TAFA1: variants seen among roughly 807,000 people sequenced by gnomAD.
The protein encoded by TAFA1 is TAFA chemokine like family member 1.
TAFA1 carries 4 observed loss-of-function variants against 18.5 expected under a neutral mutation model. That is an observed-to-expected ratio of 0.22 (90% CI 0.11 to 0.49). The LOEUF is 0.49. Ranked by LOEUF, TAFA1 falls within the 20% of genes least tolerant of loss-of-function variation. The pLI, the probability that TAFA1 is intolerant of heterozygous loss-of-function variation, is 0.98. For missense variants in TAFA1, 147 were observed against 169.0 expected (o/e 0.87, Z 0.72); for synonymous variants, 56 against 55.2 (o/e 1.01, Z -0.06).
chr3:68,035,005 G>A lies in TAFA1; in HGVS notation c.118+28261G>A, dbSNP rs999602191. 4.6e-5 allele frequency among the ~76,000 whole-genome samples: 7 copies of A among 152,188 alleles called. No individual in the cohort carries two copies. In the East Asian group the frequency reaches 1.4e-3, roughly 29 times the overall value. ...TGAAGATCCTGGCTTTGGGTCACCTGCCCAATATTTACAGATAGGGCTGCT... is the reference window on the plus strand; with the variant it reads ...TGAAGATCCTGGCTTTGGGTCACCTACCCAATATTTACAGATAGGGCTGCT... On this transcript the variant is annotated intron_variant, in intron 2 of 4. Coordinates refer to ENST00000478136, the MANE Select transcript of TAFA1 (RefSeq NM_213609.4).
chr3:68,364,321 C>T (rs1048327697), intron 2 of TAFA1, among the ~76,000 whole-genome samples: 4 of 152,146 alleles, frequency 2.6e-5, no homozygotes, highest in Admixed American at 2.6e-4. Flanking sequence ...TTACCAGGTA[C>T]TTTTGGTGAT....
chr3:68,484,372 C>T (rs539253046), intron 3 of TAFA1, among the ~76,000 whole-genome samples: 1 of 152,046 alleles, frequency 6.6e-6, no homozygotes. Flanking sequence ...GCAAGGGAAA[C>T]AGTTATTGGC....
intron 2 of TAFA1, among the ~76,000 whole-genome samples, chr3:68,220,962 G>A (rs550089472): frequency 6.6e-5 from 10 of 152,188 alleles, no homozygotes; most frequent in Non-Finnish European, 1.3e-4. Context: ...GCTGAACTGG[G>A]TTGCTTTATG....
intron 2 of TAFA1, among the ~76,000 whole-genome samples, chr3:68,186,605 A>T (rs2066275260): frequency 6.6e-6 from 1 of 151,996 alleles, no homozygotes; most frequent in African/African-American, 2.4e-5. Flanking sequence ...AAGAATGTTT[A>T]TCCCATCCCC....
At chr3:68,392,418 T>C (rs1268583883) in intron 2 of TAFA1, among the ~76,000 whole-genome samples, 1 of 152,052 alleles carries the variant, frequency 6.6e-6, no homozygotes, top group African/African-American at 2.4e-5. Context: ...AGAGGGAGAC[T>C]TTAGTACCCC....
chr3:68,190,237 G>C (rs1005430647), intron 2 of TAFA1, among the ~76,000 whole-genome samples: 1 of 151,848 alleles, frequency 6.6e-6, no homozygotes, highest in African/African-American at 2.4e-5. Context: ...AAGAGATGAT[G>C]AATTAGGTCA....
At chr3:68,287,204 C>G (rs1018944989) in intron 2 of TAFA1, among the ~76,000 whole-genome samples, 3 of 152,066 alleles carry the variant, frequency 2.0e-5, no homozygotes, top group African/African-American at 4.8e-5. Context: ...CCTGAAAAAC[C>G]GCGTGTGTAA....
At chr3:68,155,232 A>G (rs2065853006) in intron 2 of TAFA1, among the ~76,000 whole-genome samples, 1 of 152,146 alleles carries the variant, frequency 6.6e-6, no homozygotes, top group Admixed American at 6.5e-5. Context: ...TAGCCACTAC[A>G]TCACTCTGCA....
At chr3:68,269,481 T>C (rs1281468938) in intron 2 of TAFA1, among the ~76,000 whole-genome samples, 1 of 152,120 alleles carries the variant, frequency 6.6e-6, no homozygotes, top group Admixed American at 6.6e-5. Flanking sequence ...AAATAAAAAA[T>C]ACAAATTCTG....
chr3:68,295,430 CTT>C (rs2068190136), intron 2 of TAFA1, among the ~76,000 whole-genome samples: 1 of 151,752 alleles, frequency 6.6e-6, no homozygotes, highest in Non-Finnish European at 1.5e-5. Flanking sequence ...AAAAAAAAGA[CTT>C]TTTAAGTCTA....
intron 2 of TAFA1, among the ~76,000 whole-genome samples, chr3:68,330,042 T>C (rs2068839185): frequency 6.6e-6 from 1 of 152,154 alleles, no homozygotes; most frequent in Non-Finnish European, 1.5e-5. Flanking sequence ...GATAGCTGGG[T>C]CCAGGGGCTC....
intron 2 of TAFA1, among the ~76,000 whole-genome samples, chr3:68,081,532 G>A (rs542486163): frequency 6.6e-6 from 1 of 152,054 alleles, no homozygotes; most frequent in African/African-American, 2.4e-5. Context: ...CCTTCTAACA[G>A]ACAGGACCCT....
At chr3:68,030,501 G>T (rs932765487) in intron 2 of TAFA1, among the ~76,000 whole-genome samples, 2 of 152,096 alleles carry the variant, frequency 1.3e-5, no homozygotes, top group African/African-American at 4.8e-5. Context: ...ACTTATGAGT[G>T]AGAACATGCA....
chr3:68,283,262 G>C (rs749466072), intron 2 of TAFA1, among the ~76,000 whole-genome samples: 4 of 152,158 alleles, frequency 2.6e-5, no homozygotes, highest in Admixed American at 2.0e-4. Flanking sequence ...AAGGGGGCAA[G>C]AGCCCTGAAT....
At chr3:68,183,491 A>G (rs1376685913) in intron 2 of TAFA1, among the ~76,000 whole-genome samples, 1 of 152,142 alleles carries the variant, frequency 6.6e-6, no homozygotes, top group Non-Finnish European at 1.5e-5. Context: ...AAGACAAAGT[A>G]TATTTTTGAT....
chr3:68,329,642 A>C (rs1322592979), intron 2 of TAFA1, among the ~76,000 whole-genome samples: 1 of 152,112 alleles, frequency 6.6e-6, no homozygotes, highest in Non-Finnish European at 1.5e-5. Context: ...TCATATGTTG[A>C]CCATTGGCTT....
intron 2 of TAFA1, among the ~76,000 whole-genome samples, chr3:68,312,722 AC>A (rs1393967033): frequency 6.6e-6 from 1 of 151,884 alleles, no homozygotes; most frequent in Non-Finnish European, 1.5e-5. Context: ...TTATTCTGAA[AC>A]CTCTAAACTG....
intron 2 of TAFA1, among the ~76,000 whole-genome samples, chr3:68,303,449 GT>G (rs200192643): frequency 7.9e-5 from 12 of 151,096 alleles, no homozygotes; most frequent in African/African-American, 1.7e-4. Context: ...AATTCTTTTT[GT>G]TTTTTTTTGA....
chr3:68,244,977 T>C (rs913064164), intron 2 of TAFA1, among the ~76,000 whole-genome samples: 4 of 152,212 alleles, frequency 2.6e-5, no homozygotes, highest in African/African-American at 9.6e-5. Flanking sequence ...TGCTTAGTAA[T>C]AAAATGTTTT....
Sources: allele counts gnomAD v4.1 joint callset (sites outside exome capture counted in the v4.1 genomes callset), GRCh38; gene constraint gnomAD v4.1.1; transcripts MANE v1.5; gene names NCBI Gene and HGNC (gene_info 2026-07-23, HGNC 2026-07-21).